SSR2: variants seen among roughly 807,000 people sequenced by gnomAD.
SSR2 encodes the protein signal sequence receptor subunit 2.
In SSR2, 16 loss-of-function variants were observed where a neutral mutation model predicts 22.6. The observed-to-expected ratio is 0.71, with a 90% CI of 0.48 to 1.08. The LOEUF (loss-of-function observed/expected upper bound fraction) is 1.08. Ranked by LOEUF, SSR2 falls within the 50% of genes least tolerant of loss-of-function variation. SSR2 has a pLI of 0.00. For synonymous variants in SSR2, 83 were observed against 91.2 expected (o/e 0.91, Z 0.51); for missense variants, 171 against 221.6 (o/e 0.77, Z 1.45).
chr1:156,017,304 G>A (rs1441724388), intron 3 of SSR2, among the ~76,000 whole-genome samples: 1 of 152,166 alleles, frequency 6.6e-6, no homozygotes, highest in Non-Finnish European at 1.5e-5. Flanking sequence ...CACTGAATAA[G>A]AGACTTTAAA....
intron 1 of SSR2, 74 bp from the exon 2 acceptor site, chr1:156,020,241 C>T: frequency 1.3e-6 from 2 of 1,531,446 alleles, no homozygotes; most frequent in East Asian, 4.6e-5. Flanking sequence ...GACAGCGCTC[C>T]CGTAGAAAGC....
chr1:156,010,536 A>C (rs914222622), intron 5 of SSR2: 18 of 152,094 alleles, frequency 1.2e-4, no homozygotes, highest in Admixed American at 9.2e-4. Context: ...TTTTAAGCAG[A>C]ACTTTAGGCA....
rs377705476 is a variant in SSR2 at position 156,020,092 on chromosome 1, A to C, written c.76T>G (p.Ser26Ala). The part of the protein sequence containing the change: ...QAEEGARLLA[S>A]KSLLNRYAVE... The stretch of plus-strand genomic sequence containing the variant: ...GCGTATCTGTTCAGCAGTGATTTGG[A>C]AGCCAAAAGCCTGGCTCCTTCCTCT... Residue 26 changes from serine to alanine, a missense_variant, in exon 2 of 6, where the codon TCC (serine) becomes GCC (alanine). By Grantham distance (99) the Ser-to-Ala change is moderately conservative. Transcript: ENST00000295702. 35 of 1,614,046 alleles carry C rather than the reference A, an allele frequency of 2.2e-5. No homozygotes were observed. Among genetic ancestry groups the C allele is most frequent in the South Asian group, 5.5e-5 (5 of 91,088 alleles).
rs145695076 is a variant in SSR2, at chr1:156,011,854, T to G, written c.397A>C (p.Ile133Leu). The change falls in exon 5 of 6, where the codon ATC becomes CTC. Residue 133 changes from isoleucine to leucine, a missense_variant. By Grantham distance (5) the Ile-to-Leu change is conservative (BLOSUM62 2). Coordinates refer to ENST00000295702, the MANE Select transcript of SSR2 (RefSeq NM_003145.4). Reference sequence around the variant, plus strand: ...CTGTCAAACTCCCGCTGAGCCAGGATTCCTCCCTGTCCAGGTGCACTGGTA... The same window carrying G: ...CTGTCAAACTCCCGCTGAGCCAGGAGTCCTCCCTGTCCAGGTGCACTGGTA... ...GSTSAPGQGG[I>L]LAQREFDRRF... 95 of 1,613,900 alleles carry G rather than the reference T, an allele frequency of 5.9e-5. No individual in the cohort carries two copies. Among genetic ancestry groups the G allele is most frequent in the Non-Finnish European group, 7.8e-5 (92 of 1,179,972 alleles).
At chr1:156,020,236 C>A (rs747930857) in intron 1 of SSR2, 69 bp from the exon 2 acceptor site, 6 of 1,557,778 alleles carry the variant, frequency 3.9e-6, no homozygotes, top group Admixed American at 1.8e-5. Flanking sequence ...CTCTTGACAG[C>A]GCTCCCGTAG....
At chr1:156,018,151 C>T (rs772491922) in intron 3 of SSR2, 119 bp downstream of exon 3, 26 of 715,264 alleles carry the variant, frequency 3.6e-5, no homozygotes, top group Middle Eastern at 5.7e-4. Context: ...TCCATCTTAT[C>T]CAGAGAGATG....
chr1:156,009,645 G>A lies in SSR2; in HGVS notation c.447C>T (p.Asp149=). The change falls in exon 6 of 6, where the codon GAC becomes GAT. Residue 149 remains aspartate, a synonymous_variant. Coordinates refer to ENST00000295702, the MANE Select transcript of SSR2 (RefSeq NM_003145.4). The part of the protein sequence containing the change: ...FDRRFSPHFL[D]WAAFGVMTLP... The stretch of plus-strand genomic sequence containing the variant: ...GGGTCATGACCCCAAAGGCTGCCCA[G>A]TCCAGCTGTAAAGGAAAACAAAGAC... 1 of 1,602,428 alleles carries A rather than the reference G, an allele frequency of 6.2e-7. No individual in the cohort carries two copies.
chr1:156,016,028 G>A (rs1381108254), intron 3 of SSR2, among the ~76,000 whole-genome samples: 1 of 151,756 alleles, frequency 6.6e-6, no homozygotes, highest in Non-Finnish European at 1.5e-5. Flanking sequence ...GCGAGTGCCT[G>A]TAATCCCAGC....
intron 2 of SSR2, 68 bp downstream of exon 2, chr1:156,019,945 C>T (rs1683122917): frequency 1.3e-6 from 2 of 1,559,732 alleles, no homozygotes; most frequent in Non-Finnish European, 1.7e-6. Flanking sequence ...CAATATGCTC[C>T]CTATTCCCAT....
chr1:156,019,031 T>C (rs1683106022), intron 2 of SSR2: 1 of 193,698 alleles, frequency 5.2e-6, no homozygotes, highest in South Asian at 7.9e-5. Context: ...TGATACTCCA[T>C]CTAAAAAATA....
Position 156,009,358 on chromosome 1 carries a change from C to G in SSR2, c.*182G>C, listed in dbSNP as rs1269083899. 3.5e-6 allele frequency: 2 copies of G among 576,316 alleles called. No homozygotes were observed. The highest frequency in any genetic ancestry group is 7.2e-5 in the Admixed American group (2 of 27,862). The allele number at this position is 576,316 out of a possible 1,614,324, so 35.7% of individuals were successfully genotyped here. On this transcript the variant is annotated 3_prime_UTR_variant, in exon 6 of 6. Coordinates refer to ENST00000295702, the MANE Select transcript of SSR2 (RefSeq NM_003145.4). ...TTCACGATGGAACCAAGGAGGCTCT[C>G]GCAGACTCCTAGGGCTGGTCCTTCA...
At chr1:156,018,425 G>T in intron 2 of SSR2, 57 bp from the exon 3 acceptor site, 1 of 1,469,898 alleles carries the variant, frequency 6.8e-7, no homozygotes, top group Non-Finnish European at 9.4e-7. Context: ...AATTAAAGCA[G>T]GCCGGGCGCC....
rs1465263150 is a variant in SSR2 at position 156,018,281 on chromosome 1, G to T, written c.243C>A (p.Asp81Glu). ...TGCCAAGAGGATACGGGGCAATCCG[G>T]TCCCATTTGACATTGAGCATTCCAG... ...IVSGMLNVKW[D>E]RIAPASNVSH... The change falls in exon 3 of 6, where the codon GAC (aspartate) becomes GAA (glutamate). Residue 81 changes from aspartate to glutamate, a missense_variant. Physicochemically the swap from Asp to Glu is conservative, Grantham distance 45. Transcript: ENST00000295702. 1 of 1,613,774 alleles carries T rather than the reference G, an allele frequency of 6.2e-7. No individual in the cohort carries two copies. Among genetic ancestry groups the T allele is most frequent in the African/African-American group, 1.3e-5 (1 of 74,998 alleles).
chr1:156,009,515 G>A lies in SSR2; in HGVS notation c.*25C>T. 6.4e-7 allele frequency: 1 copy of A among 1,558,746 alleles called. No individual in the cohort carries two copies. The highest frequency in any genetic ancestry group is 8.8e-7 in the Non-Finnish European group (1 of 1,130,868). On this transcript the variant is annotated 3_prime_UTR_variant, in exon 6 of 6. Transcript: ENST00000295702. The stretch of plus-strand genomic sequence containing the variant: ...TGGGAGAGGAGCCTGGATTTCTTGG[G>A]AGAGGAGGGCTGTGGAAGCCCCAAT...
At chr1:156,011,913 A>T (rs772622279) in intron 4 of SSR2, 26 bp from the exon 5 acceptor site, 4 of 1,591,604 alleles carry the variant, frequency 2.5e-6, no homozygotes, top group Non-Finnish European at 3.4e-6. Flanking sequence ...GAACGACATT[A>T]AGGGAAGTCC....
chr1:156,012,358 A>C (rs1313689628), intron 4 of SSR2: 1 of 320,618 alleles, frequency 3.1e-6, no homozygotes, highest in Non-Finnish European at 6.3e-6. Context: ...AAATAGCAAA[A>C]ATATATAATG....
chr1:156,016,246 G>GT lies in SSR2; in HGVS notation c.255-1178dup, dbSNP rs1387841221. On this transcript the variant is annotated intron_variant, in intron 3 of 5. Transcript: ENST00000295702. Reference sequence around the variant, plus strand: ...AGCTCACAGAAAATCTTTTTTTTTTGTTTTTTTTTGACAGTCTCGCTCCGT... The same window carrying GT: ...AGCTCACAGAAAATCTTTTTTTTTTGTTTTTTTTTTGACAGTCTCGCTCCGT... 2.0e-3 allele frequency among the ~76,000 whole-genome samples: 294 copies of GT among 147,400 alleles called. 3 individuals are homozygous for GT. Among genetic ancestry groups the GT allele is most frequent in the African/African-American group, 6.1e-3 (245 of 40,152 alleles).
chr1:156,012,251 G>A (rs1474763166), intron 4 of SSR2: 4 of 302,836 alleles, frequency 1.3e-5, no homozygotes, highest in East Asian at 7.6e-5. Flanking sequence ...CCCTCTACAG[G>A]GCAAGGTGTG....
At chr1:156,009,718 T>G in intron 5 of SSR2, 68 bp from the exon 6 acceptor site, 1 of 1,020,238 alleles carries the variant, frequency 9.8e-7, no homozygotes, top group Non-Finnish European at 1.5e-6. Flanking sequence ...AGGGAAAATA[T>G]GAGTCCAATG....
Sources: gnomAD v4.1 joint callset for allele counts (sites outside exome capture counted in the v4.1 genomes callset) on GRCh38, gnomAD v4.1.1 for gene constraint, MANE v1.5 for transcripts, NCBI Gene and HGNC (gene_info 2026-07-23, HGNC 2026-07-21) for gene names.